OTOG: variants seen among roughly 807,000 people sequenced by gnomAD.
OTOG encodes the protein otogelin.
Under a neutral mutation model 313.8 loss-of-function variants are expected in OTOG, and 296 were observed. The observed-to-expected ratio is 0.94, with a 90% CI of 0.86 to 1.04. OTOG has a LOEUF of 1.04. OTOG is among the 50% of genes least tolerant of loss of function. The pLI, the probability that OTOG is intolerant of heterozygous loss-of-function variation, is 0.00. For synonymous variants in OTOG, 1,533 were observed against 1,554.9 expected (o/e 0.99, Z 0.33); for missense variants, 3,948 against 3,840.1 (o/e 1.03, Z -0.74).
At position 17,609,835 on chromosome 11, in the gene OTOG, C is replaced by T; in HGVS notation, c.4535C>T (p.Pro1512Leu). ...CCACTCACCACAGCCCTGAACCCAC[C>T]AGTGACAGCCACTGAGGAGCCAGTG... ...AAPLTTALNP[P>L]VTATEEPVVS... The change falls in exon 36 of 56, where the codon CCA (proline) becomes CTA (leucine). Residue 1512 changes from proline (P) to leucine (L), a missense_variant. Pro to Leu is a moderately conservative substitution (Grantham distance 98). Transcript: ENST00000399397. 6.6e-7 allele frequency: 1 copy of T among 1,525,432 alleles called. No homozygotes were observed. The highest frequency in any genetic ancestry group is 8.8e-7 in the Non-Finnish European group (1 of 1,131,440). 94.5% of individuals were successfully genotyped at this position (1,525,432 alleles called of 1,614,324 possible).
At chr11:17,632,678 G>C (rs1456628793) in intron 42 of OTOG, among the ~76,000 whole-genome samples, 1 of 151,998 alleles carries the variant, frequency 6.6e-6, no homozygotes, top group Non-Finnish European at 1.5e-5. Flanking sequence ...TCTTCTTCCA[G>C]AGTTTCCCTT....
In OTOG at chr11:17,595,838, G is replaced by A. The variant is rs371281914; in HGVS notation, c.3409-200G>A. On this transcript the variant is annotated intron_variant, in intron 28 of 55. Transcript: ENST00000399397. ...CATGTGATCACATACACATGGCCAC[G>A]TCCATCCCATCACCTGGGCCATATT... Among the ~76,000 whole-genome samples, 38 of 152,276 alleles carry A rather than the reference G, an allele frequency of 2.5e-4. No individual in the cohort carries two copies. The East Asian group carries it at 4.2e-3, about 17-fold the overall frequency.
In OTOG at chr11:17,613,672, C is replaced by G; in HGVS notation, c.6499C>G (p.Gln2167Glu). 1 of 1,550,800 alleles carries G rather than the reference C, an allele frequency of 6.4e-7. No homozygotes were observed. Among genetic ancestry groups the G allele is most frequent in the African/African-American group, 1.4e-5 (1 of 73,122 alleles). The change falls in exon 39 of 56, where the codon CAG becomes GAG. Residue 2167 changes from glutamine to glutamate, a missense_variant. Physicochemically the swap from Gln to Glu is conservative, Grantham distance 29 (BLOSUM62 2). Transcript: ENST00000399397. ...GTTGAACATGACTCACTTGGCCCAT[C>G]AGGTCACTATTGATCGCTTCAACCG... ...VMLNMTHLAH[Q>E]VTIDRFNRKV...
At chr11:17,573,322 G>C (rs1183597287) in intron 19 of OTOG, 32 bp downstream of exon 19, 6 of 1,490,702 alleles carry the variant, frequency 4.0e-6, no homozygotes, top group Non-Finnish European at 5.4e-6. Flanking sequence ...GGCTGAGCTG[G>C]AGGAGCCAGA....
chr11:17,635,150 C>T lies in OTOG; in HGVS notation c.7656C>T (p.Gly2552=). Residue 2552 remains glycine, a synonymous_variant, in exon 46 of 56, where the codon GGC becomes GGT. Coordinates refer to ENST00000399397, the MANE Select transcript of OTOG (RefSeq NM_001292063.2). ...SCRQDQILIT[G]RLGDSCCTSY... ...GACAGGACCAGATCCTGATCACGGG[C>T]CGCCTGGGGGACTCCTGCTGCACCT... The T allele has an allele frequency of 6.5e-7, 1 of 1,548,408 alleles. No homozygotes were observed. Among genetic ancestry groups the T allele is most frequent in the East Asian group, 2.4e-5 (1 of 40,916 alleles).
chr11:17,635,190 G>A lies in OTOG; in HGVS notation c.7693+3G>A, dbSNP rs943749558. On this transcript the variant is annotated splice_donor_region_variant and intron_variant, in intron 46 of 55. Transcript: ENST00000399397. Reference sequence around the variant, plus strand: ...CTGCTGCACCTCCTACTTCTGCGGTGGGTCGCCGCCACCAGACGCCAGCGC... The same window carrying A: ...CTGCTGCACCTCCTACTTCTGCGGTAGGTCGCCGCCACCAGACGCCAGCGC... 1.9e-6 allele frequency: 3 copies of A among 1,539,834 alleles called. No individual in the cohort carries two copies. The highest frequency in any genetic ancestry group is 1.2e-5 in the South Asian group (1 of 83,876).
chr11:17,551,501 T>G (rs1020910385), intron 3 of OTOG, among the ~76,000 whole-genome samples: 1 of 151,994 alleles, frequency 6.6e-6, no homozygotes, highest in Non-Finnish European at 1.5e-5. Context: ...GGGCTGCTGG[T>G]TTTGCTGTTC....
chr11:17,590,639 AC>A (rs933578471), intron 24 of OTOG, among the ~76,000 whole-genome samples: 6 of 151,130 alleles, frequency 4.0e-5, no homozygotes, highest in South Asian at 2.1e-4. Context: ...AATGCCCACC[AC>A]CCCCCATTCC....
chr11:17,597,676 A>G (rs1853147598), intron 30 of OTOG, among the ~76,000 whole-genome samples: 1 of 152,232 alleles, frequency 6.6e-6, no homozygotes, highest in South Asian at 2.1e-4. Flanking sequence ...TTAAAAATTA[A>G]TATTTAAAAG....
intron 26 of OTOG, 100 bp from the exon 27 acceptor site, chr11:17,593,502 CAGGGTATG>C: frequency 6.8e-7 from 1 of 1,466,134 alleles, no homozygotes; most frequent in Non-Finnish European, 9.2e-7. Context: ...AGGCCAATGT[CAGGGTATG>C]AGGGAGGCAG....
intron 20 of OTOG, among the ~76,000 whole-genome samples, chr11:17,575,149 C>A (rs929800890): frequency 5.3e-4 from 81 of 152,366 alleles, no homozygotes; most frequent in Middle Eastern, 3.4e-3. Flanking sequence ...ACACAACAAC[C>A]CCACAGAGCC....
chr11:17,638,456 G>A lies in OTOG; in HGVS notation c.7801G>A (p.Glu2601Lys). ...LCCPLYQCVC[E>K]NFRCPQVQCG... ...CTGCCTCTCCTTCCCCACAGTGTGT[G>A]AGAACTTCCGCTGTCCCCAAGTGCA... Residue 2601 changes from glutamate (E) to lysine (K), a missense_variant, in exon 48 of 56, where the codon GAG (glutamate) becomes AAG (lysine). Physicochemically the swap from Glu to Lys is moderately conservative, Grantham distance 56 (BLOSUM62 1). Transcript: ENST00000399397. 6.5e-7 allele frequency: 1 copy of A among 1,548,194 alleles called. No individual in the cohort carries two copies.
At chr11:17,626,197 A>G (rs999708302) in intron 39 of OTOG, among the ~76,000 whole-genome samples, 1 of 152,070 alleles carries the variant, frequency 6.6e-6, no homozygotes, top group African/African-American at 2.4e-5. Flanking sequence ...TGTTTTTCAG[A>G]CAGAGTCTCA....
chr11:17,577,080 C>A (rs934585192), intron 22 of OTOG, among the ~76,000 whole-genome samples, 169 bp downstream of exon 22: 3 of 152,232 alleles, frequency 2.0e-5, no homozygotes, highest in African/African-American at 7.2e-5. Context: ...GAGGGTGGCA[C>A]CTGAAGCCCT....
At chr11:17,611,509 G>T in intron 36 of OTOG, 86 bp downstream of exon 36, 8 of 1,305,162 alleles carry the variant, frequency 6.1e-6, no homozygotes, top group Admixed American at 2.8e-5. Context: ...AGTTTTAGTC[G>T]CTATCCTCAT....
chr11:17,624,592 C>T (rs1020868935), intron 39 of OTOG, among the ~76,000 whole-genome samples: 17 of 152,142 alleles, frequency 1.1e-4, no homozygotes, highest in African/African-American at 4.1e-4. Context: ...AGCATGATGC[C>T]TCCAGCTTTG....
chr11:17,599,198 A>G (rs995059606), intron 30 of OTOG, among the ~76,000 whole-genome samples: 1 of 152,154 alleles, frequency 6.6e-6, no homozygotes, highest in Non-Finnish European at 1.5e-5. Context: ...GCGCCTCTGC[A>G]GTGCAAGGGG....
chr11:17,591,705 G>A, intron 25 of OTOG, 117 bp downstream of exon 25: 7 of 1,323,382 alleles, frequency 5.3e-6, no homozygotes, highest in Non-Finnish European at 7.2e-6. Flanking sequence ...GCCCTGAGGT[G>A]GGGCTATCTA....
chr11:17,598,727 C>T (rs748237920), intron 30 of OTOG, among the ~76,000 whole-genome samples: 6 of 152,174 alleles, frequency 3.9e-5, no homozygotes, highest in Non-Finnish European at 5.9e-5. Context: ...TGACTCTTCT[C>T]GGCTACCACC....
Sources: gnomAD v4.1 joint callset for allele counts (sites outside exome capture counted in the v4.1 genomes callset) on GRCh38, gnomAD v4.1.1 for gene constraint, MANE v1.5 for transcripts, NCBI Gene and HGNC (gene_info 2026-07-23, HGNC 2026-07-21) for gene names.